TYW1: variants seen among roughly 807,000 people sequenced by gnomAD.
TYW1 encodes S-adenosyl-L-methionine-dependent tRNA 4-demethylwyosine synthase TYW1.
In TYW1, 46 loss-of-function variants were observed where a neutral mutation model predicts 96.2. The ratio of observed to expected loss-of-function variants is 0.48; its 90% CI spans 0.38 to 0.61. TYW1 has a LOEUF of 0.61. TYW1 is among the 20% of genes least tolerant of loss of function. The probability of loss-of-function intolerance (pLI) is 0.00; values close to 1 mark genes in which losing one functional copy is unlikely to be tolerated. For missense variants in TYW1, 684 were observed against 909.6 expected (o/e 0.75, Z 3.19); for synonymous variants, 274 against 323.0 (o/e 0.85, Z 1.63).
At chr7:67,092,619 C>T (rs1426230593) in intron 11 of TYW1, among the ~76,000 whole-genome samples, 2 of 151,886 alleles carry the variant, frequency 1.3e-5, no homozygotes, top group African/African-American at 2.4e-5. Context: ...CCTCTTGGCA[C>T]CCCACATCTT....
Position 67,009,580 on chromosome 7 carries a change from T to G in TYW1, c.274-3T>G, listed in dbSNP as rs548435881. Reference sequence around the variant, plus strand: ...TATTTGATGTTTTTTTTGGTCCTATTAGGGATTCGCAACAGTTCTTGCTGA... The same window carrying G: ...TATTTGATGTTTTTTTTGGTCCTATGAGGGATTCGCAACAGTTCTTGCTGA... On this transcript the variant is annotated splice_polypyrimidine_tract_variant and splice_region_variant and intron_variant, in intron 3 of 15. Coordinates refer to ENST00000359626, the MANE Select transcript of TYW1 (RefSeq NM_018264.4). 1.2e-4 allele frequency: 188 copies of G among 1,610,556 alleles called. No individual in the cohort carries two copies. Among genetic ancestry groups the G allele is most frequent in the Non-Finnish European group, 1.3e-5 (15 of 1,179,226 alleles).
chr7:67,162,313 CAAAAAAAAAA>C (rs60661089), intron 13 of TYW1, among the ~76,000 whole-genome samples: 22 of 102,156 alleles, frequency 2.2e-4, no homozygotes, highest in African/African-American at 3.4e-4. Context: ...GACTCTGTCT[CAAAAAAAAAA>C]AAAAAAAAAA....
At chr7:67,117,406 G>T (rs1584582772) in intron 12 of TYW1, 77 bp from the exon 13 acceptor site, 1 of 1,513,886 alleles carries the variant, frequency 6.6e-7, no homozygotes, top group East Asian at 2.4e-5. Context: ...GTCTATTACA[G>T]ATTGCAGGTT....
In TYW1 at chr7:66,996,920, G is replaced by C; in HGVS notation, c.-59G>C. 4 of 1,612,986 alleles carry C rather than the reference G, an allele frequency of 2.5e-6. No homozygotes were observed. Among genetic ancestry groups the C allele is most frequent in the Non-Finnish European group, 3.4e-6 (4 of 1,179,580 alleles). On this transcript the variant is annotated 5_prime_UTR_variant, in exon 1 of 16. Transcript: ENST00000359626. Reference sequence around the variant, plus strand: ...TAGCTCGGTGCGTCTCGCGGTACCAGTGCGAATCATCGGGCTATCCAGGTC... The same window carrying C: ...TAGCTCGGTGCGTCTCGCGGTACCACTGCGAATCATCGGGCTATCCAGGTC...
intron 8 of TYW1, 137 bp from the exon 9 acceptor site, chr7:67,055,698 T>C: frequency 1.8e-6 from 1 of 556,232 alleles, no homozygotes. Flanking sequence ...ATTAAATCTT[T>C]AATGTTTCCT....
chr7:67,020,354 T>C (rs1794207860), intron 6 of TYW1, among the ~76,000 whole-genome samples: 1 of 18,312 alleles, frequency 5.5e-5, no homozygotes, highest in South Asian at 1.6e-3. Context: ...TTCTCCTGCC[T>C]CAGGCTCCCG....
intron 9 of TYW1, among the ~76,000 whole-genome samples, chr7:67,064,563 G>A (rs1026465578): frequency 6.6e-6 from 1 of 152,156 alleles, no homozygotes; most frequent in Non-Finnish European, 1.5e-5. Flanking sequence ...GAGGCAAAAG[G>A]CACTTTTTAC....
chr7:67,041,004 T>G (rs1260950636), intron 7 of TYW1, among the ~76,000 whole-genome samples: 1 of 152,200 alleles, frequency 6.6e-6, no homozygotes, highest in Non-Finnish European at 1.5e-5. Context: ...GTACATTATT[T>G]TTTTGAAATG....
chr7:67,138,530 C>G (rs1016521875), intron 13 of TYW1, among the ~76,000 whole-genome samples: 2 of 152,052 alleles, frequency 1.3e-5, no homozygotes, highest in African/African-American at 4.8e-5. Flanking sequence ...TTATGTTTGA[C>G]TATATTGTCA....
At chr7:67,188,454 A>G (rs113128521) in intron 14 of TYW1, among the ~76,000 whole-genome samples, 1 of 152,236 alleles carries the variant, frequency 6.6e-6, no homozygotes, top group East Asian at 1.9e-4. Context: ...TGAATCTGTT[A>G]TGAAAACCAT....
chr7:67,102,241 A>AT (rs1356616428), intron 12 of TYW1, among the ~76,000 whole-genome samples: 2 of 152,194 alleles, frequency 1.3e-5, no homozygotes, highest in East Asian at 3.8e-4. Flanking sequence ...ATTGAGGAAA[A>AT]TTATAGAGTA....
chr7:67,079,523 C>T (rs1382819966), intron 10 of TYW1, among the ~76,000 whole-genome samples: 2 of 148,314 alleles, frequency 1.3e-5, no homozygotes, highest in Non-Finnish European at 3.0e-5. Context: ...AATGGTTTGT[C>T]GATGTTTATC....
intron 15 of TYW1, among the ~76,000 whole-genome samples, chr7:67,235,906 A>G (rs1356120563): frequency 7.4e-6 from 1 of 134,376 alleles, no homozygotes; most frequent in South Asian, 2.5e-4. Flanking sequence ...AAAAAAAAAA[A>G]AAAAGAAAAA....
chr7:67,117,556 C>G lies in TYW1; in HGVS notation c.1636C>G (p.Arg546Gly). 1 of 1,613,976 alleles carries G rather than the reference C, an allele frequency of 6.2e-7. No homozygotes were observed. Among genetic ancestry groups the G allele is most frequent in the Non-Finnish European group, 8.5e-7 (1 of 1,179,968 alleles). Residue 546 changes from arginine (R) to glycine (G), a missense_variant, in exon 13 of 16, where the codon CGC (arginine) becomes GGC (glycine). Physicochemically the swap from Arg to Gly is moderately radical, Grantham distance 125 (BLOSUM62 -2). Transcript: ENST00000359626. ...STKDSLKKID[R>G]PLFKDFWQRF... ...CAAAGACAGCCTGAAGAAAATCGAC[C>G]GCCCACTCTTCAAGGATTTCTGGCA...
At chr7:67,007,882 G>T (rs1562962386) in intron 3 of TYW1, among the ~76,000 whole-genome samples, 2 of 152,056 alleles carry the variant, frequency 1.3e-5, no homozygotes, top group African/African-American at 4.8e-5. Context: ...TGATCTGTCC[G>T]CCTCGGCTTC....
intron 13 of TYW1, among the ~76,000 whole-genome samples, chr7:67,118,877 TG>T (rs1287703511): frequency 2.0e-5 from 1 of 50,010 alleles, no homozygotes; most frequent in Non-Finnish European, 3.5e-5. Context: ...GACCCCTATC[TG>T]AAAAAAAAAA....
intron 9 of TYW1, among the ~76,000 whole-genome samples, chr7:67,057,070 A>C (rs1207908308): frequency 2.0e-5 from 3 of 148,238 alleles, no homozygotes; most frequent in Non-Finnish European, 4.4e-5. Context: ...CCTGGAGTAC[A>C]GTGTCATGAT....
intron 15 of TYW1, among the ~76,000 whole-genome samples, chr7:67,206,915 ATG>A (rs1800819779): frequency 6.6e-6 from 1 of 152,150 alleles, no homozygotes; most frequent in Non-Finnish European, 1.5e-5. Flanking sequence ...TGGATTTGTA[ATG>A]GCCTTCACAA....
intron 12 of TYW1, among the ~76,000 whole-genome samples, chr7:67,101,125 T>G (rs1760645061): frequency 6.6e-6 from 1 of 152,140 alleles, no homozygotes; most frequent in African/African-American, 2.4e-5. Flanking sequence ...GGCATACCCC[T>G]GAGTCTGCTT....
Sources: allele counts gnomAD v4.1 joint callset (sites outside exome capture counted in the v4.1 genomes callset), GRCh38; gene constraint gnomAD v4.1.1; transcripts MANE v1.5; gene names NCBI Gene and HGNC (gene_info 2026-07-23, HGNC 2026-07-21).